EXT1: variants seen among roughly 807,000 people sequenced by gnomAD.
EXT1 encodes the protein exostosin-1.
A neutral mutation model predicts 82.5 loss-of-function variants in EXT1; 20 were observed. That is an observed-to-expected ratio of 0.24 (90% CI 0.17 to 0.35). The LOEUF (loss-of-function observed/expected upper bound fraction) is 0.35. Ranked by LOEUF, EXT1 falls within the 10% of genes least tolerant of loss-of-function variation. The pLI, the probability that EXT1 is intolerant of heterozygous loss-of-function variation, is 1.00. For synonymous variants in EXT1, 348 were observed against 350.8 expected (o/e 0.99, Z 0.09); for missense variants, 757 against 936.5 (o/e 0.81, Z 2.50).
chr8:117,882,572 C>T (rs1813078931), intron 1 of EXT1, among the ~76,000 whole-genome samples: 1 of 152,188 alleles, frequency 6.6e-6, no homozygotes, highest in Non-Finnish European at 1.5e-5. Context: ...GGACACAAAT[C>T]ATTACTATGA....
intron 1 of EXT1, among the ~76,000 whole-genome samples, chr8:118,102,543 G>A (rs1459270791): frequency 6.6e-6 from 1 of 152,148 alleles, no homozygotes; most frequent in Non-Finnish European, 1.5e-5. Flanking sequence ...AGTAGCCCCA[G>A]CTCCAATACA....
In EXT1 at chr8:117,822,600, A is replaced by G; in HGVS notation, c.1285-3T>C. ...TTGAATATTCTGTCCTGAATAATCTAGAAAATAAAACATAGCACACAGTGA... is the reference window on the plus strand; with the variant it reads ...TTGAATATTCTGTCCTGAATAATCTGGAAAATAAAACATAGCACACAGTGA... On this transcript the variant is annotated splice_polypyrimidine_tract_variant and splice_region_variant and intron_variant, in intron 4 of 10. Coordinates refer to ENST00000378204, the MANE Select transcript of EXT1 (RefSeq NM_000127.3). The G allele has an allele frequency of 1.2e-6, 2 of 1,612,302 alleles. No individual in the cohort carries two copies. The highest frequency in any genetic ancestry group is 1.7e-6 in the Non-Finnish European group (2 of 1,179,542).
intron 1 of EXT1, among the ~76,000 whole-genome samples, chr8:117,878,000 C>T (rs1342560200): frequency 2.6e-5 from 4 of 152,140 alleles, no homozygotes; most frequent in Non-Finnish European, 4.4e-5. Flanking sequence ...CGGCTAGGTG[C>T]GGTGGCTCAC....
intron 1 of EXT1, among the ~76,000 whole-genome samples, chr8:117,974,147 A>G (rs890337389): frequency 6.6e-6 from 1 of 152,240 alleles, no homozygotes; most frequent in Non-Finnish European, 1.5e-5. Flanking sequence ...GATTAATTAA[A>G]TATATGAAAC....
chr8:117,822,097 A>G (rs1450331527), intron 5 of EXT1, among the ~76,000 whole-genome samples: 1 of 151,998 alleles, frequency 6.6e-6, no homozygotes, highest in Non-Finnish European at 1.5e-5. Context: ...GAATAGAGAT[A>G]TTGGGATTGT....
chr8:117,977,712 T>TGCCTG (rs750912992), intron 1 of EXT1, among the ~76,000 whole-genome samples: 17 of 152,136 alleles, frequency 1.1e-4, no homozygotes, highest in Admixed American at 6.6e-4. Context: ...TCCTAATCAT[T>TGCCTG]GCCTGGCCTG....
chr8:117,874,575 C>CAGAAAAAAAAAAAAAAAAAAA (rs1812933354), intron 1 of EXT1, among the ~76,000 whole-genome samples: 1 of 69,790 alleles, frequency 1.4e-5, no homozygotes, highest in South Asian at 5.0e-4. Context: ...GACTCTGCCT[C>CAGAAAAAAAAAAAAAAAAAAA]AAAAAAAAAA....
At chr8:118,069,452 C>G (rs1311662295) in intron 1 of EXT1, among the ~76,000 whole-genome samples, 2 of 152,168 alleles carry the variant, frequency 1.3e-5, no homozygotes, top group African/African-American at 4.8e-5. Context: ...CTGCTAAGCA[C>G]CCCCTCCCAC....
Position 117,935,663 on chromosome 8 carries a change from C to T in EXT1, c.963-98462G>A, listed in dbSNP as rs1269470978. On this transcript the variant is annotated intron_variant, in intron 1 of 10. Coordinates refer to ENST00000378204, the MANE Select transcript of EXT1 (RefSeq NM_000127.3). ...GGATTACAGGTGTGAGCCACTGTGC[C>T]CAGCTTCCTATTACTCCTATAATCT... 2.6e-5 allele frequency among the ~76,000 whole-genome samples: 4 copies of T among 152,112 alleles called. No homozygotes were observed. The East Asian group carries it at 7.7e-4, about 29-fold the overall frequency.
chr8:117,874,060 G>T (rs565236326), intron 1 of EXT1, among the ~76,000 whole-genome samples: 1 of 152,134 alleles, frequency 6.6e-6, no homozygotes, highest in South Asian at 2.1e-4. Flanking sequence ...ATTAGTGTAG[G>T]TGCAAAGCAG....
chr8:117,936,230 A>G (rs922328308), intron 1 of EXT1, among the ~76,000 whole-genome samples: 3 of 152,230 alleles, frequency 2.0e-5, no homozygotes, highest in Non-Finnish European at 4.4e-5. Flanking sequence ...CTGTCTTCTG[A>G]GCAGATGAGG....
intron 1 of EXT1, among the ~76,000 whole-genome samples, chr8:118,008,328 T>G (rs1195698499): frequency 6.6e-6 from 1 of 152,114 alleles, no homozygotes. Flanking sequence ...GAGGTGATCT[T>G]AGCTCCCTGC....
intron 1 of EXT1, among the ~76,000 whole-genome samples, chr8:117,876,427 C>G (rs1812970463): frequency 6.6e-6 from 1 of 152,140 alleles, no homozygotes; most frequent in African/African-American, 2.4e-5. Context: ...ATACTAGACT[C>G]CAGACCCAGA....
At chr8:117,897,456 T>C (rs1414700733) in intron 1 of EXT1, among the ~76,000 whole-genome samples, 2 of 152,178 alleles carry the variant, frequency 1.3e-5, no homozygotes, top group South Asian at 2.1e-4. Context: ...TTTATTTCAA[T>C]GAACACTTGT....
intron 1 of EXT1, among the ~76,000 whole-genome samples, chr8:118,088,332 CT>C (rs1817464323): frequency 6.6e-6 from 1 of 152,038 alleles, no homozygotes; most frequent in Admixed American, 6.6e-5. Context: ...TAGATCCCTT[CT>C]GAGCCATTTG....
At chr8:118,077,891 T>TA (rs1817239945) in intron 1 of EXT1, among the ~76,000 whole-genome samples, 2 of 152,112 alleles carry the variant, frequency 1.3e-5, no homozygotes, top group East Asian at 1.9e-4. Flanking sequence ...TGTTCTTTTT[T>TA]AAAAAAAGAA....
At chr8:118,083,149 C>T (rs1817360560) in intron 1 of EXT1, among the ~76,000 whole-genome samples, 1 of 152,132 alleles carries the variant, frequency 6.6e-6, no homozygotes, top group African/African-American at 2.4e-5. Context: ...GATAAAATTC[C>T]ATCTCAGGAT....
At chr8:117,893,191 C>A (rs1174363180) in intron 1 of EXT1, among the ~76,000 whole-genome samples, 1 of 152,170 alleles carries the variant, frequency 6.6e-6, no homozygotes, top group Admixed American at 6.5e-5. Flanking sequence ...GAACTTATTT[C>A]TTTCAGAACA....
chr8:117,873,742 C>T (rs1178594122), intron 1 of EXT1, among the ~76,000 whole-genome samples: 1 of 152,090 alleles, frequency 6.6e-6, no homozygotes, highest in African/African-American at 2.4e-5. Context: ...AGGCATGAGC[C>T]ACCGCGCCCA....
Sources: allele counts gnomAD v4.1 joint callset (sites outside exome capture counted in the v4.1 genomes callset), GRCh38; gene constraint gnomAD v4.1.1; transcripts MANE v1.5; gene names NCBI Gene and HGNC (gene_info 2026-07-23, HGNC 2026-07-21).